OSBPL10: variants seen among roughly 807,000 people sequenced by gnomAD.
The protein encoded by OSBPL10 is oxysterol binding protein like 10.
Under a neutral mutation model 81.7 loss-of-function variants are expected in OSBPL10, and 49 were observed. The observed-to-expected ratio is 0.60, with a 90% CI of 0.48 to 0.76. The LOEUF is 0.76. OSBPL10 is among the 30% of genes least tolerant of loss of function. OSBPL10 has a pLI of 0.00. For synonymous variants in OSBPL10, 419 were observed against 383.6 expected, an observed-to-expected ratio of 1.09 and a Z score of -1.08; for missense variants, 923 against 987.8, an observed-to-expected ratio of 0.93 and a Z score of 0.88.
At chr3:31,940,228 C>T (rs1457292650) in intron 1 of OSBPL10, among the ~76,000 whole-genome samples, 2 of 152,246 alleles carry the variant, frequency 1.3e-5, no homozygotes, top group Non-Finnish European at 2.9e-5. Context: ...TACAATGGAA[C>T]ACTACTCAGC....
chr3:31,861,470 A>AT (rs561259085), intron 3 of OSBPL10, among the ~76,000 whole-genome samples: 133 of 152,092 alleles, frequency 8.7e-4, no homozygotes, highest in African/African-American at 3.0e-3. Flanking sequence ...AACAGATGCA[A>AT]TTTTTTTTAG....
chr3:31,781,939 A>T (rs937814318), intron 4 of OSBPL10, among the ~76,000 whole-genome samples: 8 of 152,172 alleles, frequency 5.3e-5, no homozygotes, highest in African/African-American at 1.9e-4. Context: ...AATTCTTCAC[A>T]CAACTAGAAA....
intron 5 of OSBPL10, 62 bp downstream of exon 5, chr3:31,747,848 G>C: frequency 6.7e-7 from 1 of 1,500,836 alleles, no homozygotes; most frequent in Non-Finnish European, 9.3e-7. Flanking sequence ...GAGGAAGACA[G>C]TGGGACACAG....
intron 7 of OSBPL10, among the ~76,000 whole-genome samples, chr3:31,686,783 T>C (rs1465843240): frequency 6.6e-6 from 1 of 152,164 alleles, no homozygotes; most frequent in African/African-American, 2.4e-5. Flanking sequence ...TTCCTATGCC[T>C]TTTTCGTGGG....
chr3:31,921,504 C>A (rs1035489164), intron 1 of OSBPL10, among the ~76,000 whole-genome samples: 3 of 151,978 alleles, frequency 2.0e-5, no homozygotes, highest in Non-Finnish European at 4.4e-5. Flanking sequence ...AAAGAGCCTC[C>A]GATGGCCAAC....
intron 7 of OSBPL10, among the ~76,000 whole-genome samples, chr3:31,691,492 G>A (rs763416890): frequency 4.6e-5 from 7 of 152,106 alleles, no homozygotes; most frequent in African/African-American, 7.2e-5. Context: ...GGCTGAGGTG[G>A]GAGGATCGCT....
intron 4 of OSBPL10, among the ~76,000 whole-genome samples, chr3:31,750,309 C>G (rs1258746841): frequency 3.3e-5 from 5 of 152,140 alleles, no homozygotes; most frequent in African/African-American, 7.2e-5. Context: ...TTATTATATT[C>G]ATTTATGCTA....
Position 31,959,433 on chromosome 3 carries a change from T to C in OSBPL10, c.281+21466A>G, listed in dbSNP as rs577318642. Among the ~76,000 whole-genome samples the C allele has an allele frequency of 3.9e-5, 6 of 152,280 alleles. No homozygotes were observed. In the East Asian group the frequency reaches 1.2e-3, roughly 29 times the overall value. ...TGCTATATATCAGAGGAAATTAGCA[T>C]GAGACTCAGAGATAAGATATCCCAA... On this transcript the variant is annotated intron_variant, in intron 1 of 11. Transcript: ENST00000396556.
chr3:32,058,886 G>A (rs116615646), intron 1 of OSBPL10, among the ~76,000 whole-genome samples: 1,636 of 152,224 alleles, frequency 0.011, 40 homozygotes, highest in African/African-American at 0.037. Context: ...ATAGCTTCTC[G>A]CTATGTTGCC....
intron 3 of OSBPL10, among the ~76,000 whole-genome samples, chr3:31,858,744 G>C (rs1221421067): frequency 6.6e-6 from 1 of 152,180 alleles, no homozygotes; most frequent in African/African-American, 2.4e-5. Flanking sequence ...TGCACAATGT[G>C]AACAAGGCCA....
chr3:31,964,153 CTT>C (rs1464887639), intron 1 of OSBPL10, among the ~76,000 whole-genome samples: 3 of 152,114 alleles, frequency 2.0e-5, no homozygotes, highest in African/African-American at 4.8e-5. Flanking sequence ...ACCCAGCACT[CTT>C]TTTTTGTTGT....
chr3:32,003,583 G>T (rs539179114), intron 2 of OSBPL10, among the ~76,000 whole-genome samples: 1 of 152,344 alleles, frequency 6.6e-6, no homozygotes, highest in African/African-American at 2.4e-5. Context: ...GAATATACCA[G>T]TGGGTGGTAT....
At chr3:31,953,661 C>T (rs1697931105) in intron 1 of OSBPL10, among the ~76,000 whole-genome samples, 1 of 152,226 alleles carries the variant, frequency 6.6e-6, no homozygotes. Context: ...CAGCCTCAGT[C>T]TCCCAAAGTG....
intron 4 of OSBPL10, among the ~76,000 whole-genome samples, chr3:31,812,728 A>C (rs896332299): frequency 5.7e-5 from 1 of 17,684 alleles, no homozygotes; most frequent in Non-Finnish European, 9.3e-5. Context: ...AAAAGAAAGA[A>C]AGAAAGAAAG....
rs146328981 is a variant in OSBPL10, at chr3:31,863,907, A to C, written c.537+12526T>G. The stretch of plus-strand genomic sequence containing the variant: ...CCCAAATCCAACACCACTACTACTA[A>C]TACTACTACTGTTACTAATACTGAT... On this transcript the variant is annotated intron_variant, in intron 3 of 11. Coordinates refer to ENST00000396556, the MANE Select transcript of OSBPL10 (RefSeq NM_017784.5). Among the ~76,000 whole-genome samples, 22 of 152,282 alleles carry C rather than the reference A, an allele frequency of 1.4e-4. No homozygotes were observed. The East Asian group carries it at 1.7e-3, about 12-fold the overall frequency.
intron 4 of OSBPL10, among the ~76,000 whole-genome samples, chr3:31,821,108 C>G (rs1182523732): frequency 6.6e-6 from 1 of 152,078 alleles, no homozygotes; most frequent in Admixed American, 6.6e-5. Flanking sequence ...CCTCCCCCAC[C>G]CCACCCAGCC....
intron 7 of OSBPL10, among the ~76,000 whole-genome samples, chr3:31,699,540 C>G (rs1257788682): frequency 6.6e-6 from 1 of 152,208 alleles, no homozygotes. Context: ...GAGGCAGGAC[C>G]AGCTACATGC....
intron 1 of OSBPL10, among the ~76,000 whole-genome samples, chr3:31,945,207 A>G: frequency 6.6e-6 from 1 of 151,166 alleles, no homozygotes; most frequent in East Asian, 1.9e-4. Context: ...AAGGGGTGCC[A>G]GGGTCATTTT....
chr3:31,956,716 G>C (rs187041233), intron 1 of OSBPL10, among the ~76,000 whole-genome samples: 1 of 150,496 alleles, frequency 6.6e-6, no homozygotes. Flanking sequence ...CGACAAGAGC[G>C]AAACTCCGTC....
Sources: allele counts gnomAD v4.1 joint callset (sites outside exome capture counted in the v4.1 genomes callset), GRCh38; gene constraint gnomAD v4.1.1; transcripts MANE v1.5; gene names NCBI Gene and HGNC (gene_info 2026-07-23, HGNC 2026-07-21).